Variants in FGF12 observed in about 807,000 individuals in gnomAD.
FGF12 encodes the protein fibroblast growth factor 12.
In FGF12, 14 loss-of-function variants were observed where a neutral mutation model predicts 23.6. The ratio of observed to expected loss-of-function variants is 0.59; its 90% CI spans 0.39 to 0.93. FGF12 has a LOEUF of 0.93. Ranked by LOEUF, FGF12 falls within the 40% of genes least tolerant of loss-of-function variation. The probability of loss-of-function intolerance (pLI) is 0.00; values close to 1 mark genes in which losing one functional copy is unlikely to be tolerated. For synonymous variants in FGF12, 62 were observed against 77.3 expected, an observed-to-expected ratio of 0.80 and a Z score of 1.04; for missense variants, 175 against 217.8, an observed-to-expected ratio of 0.80 and a Z score of 1.24.
chr3:192,221,229 T>C (rs928058269), intron 4 of FGF12, among the ~76,000 whole-genome samples: 2 of 152,198 alleles, frequency 1.3e-5, no homozygotes, highest in African/African-American at 2.4e-5. Flanking sequence ...CACACATTCA[T>C]ACATGATTGG....
chr3:192,603,278 G>T (rs907125889), intron 2 of FGF12, among the ~76,000 whole-genome samples: 1 of 152,074 alleles, frequency 6.6e-6, no homozygotes, highest in African/African-American at 2.4e-5. Context: ...TCTATGCCTA[G>T]AAAACATTAA....
At position 192,514,923 on chromosome 3, in the gene FGF12, C is replaced by A; in HGVS notation, c.14-154385G>T. 1.0e-6 allele frequency: 1 copy of A among 962,828 alleles called. No homozygotes were observed. The highest frequency in any genetic ancestry group is 1.2e-6 in the Non-Finnish European group (1 of 809,424). 59.6% of individuals were successfully genotyped at this position (962,828 alleles called of 1,614,324 possible). On this transcript the variant is annotated intron_variant, in intron 2 of 5. Transcript: ENST00000445105. The surrounding 1 kb of genome is among the most constrained non-coding windows in gnomAD (Gnocchi z 4.9). Reference sequence around the variant, plus strand: ...AGGGAGCCCGGGCGCCGGCAGGGGGCGGGCCGGGACGCGGAAGTGCCGGTC... The same window carrying A: ...AGGGAGCCCGGGCGCCGGCAGGGGGAGGGCCGGGACGCGGAAGTGCCGGTC...
In FGF12 at chr3:192,502,642, G is replaced by A. The variant is rs1195775492; in HGVS notation, c.14-142104C>T. Among the ~76,000 whole-genome samples the A allele has an allele frequency of 4.6e-5, 7 of 152,190 alleles. No homozygotes were observed. In the South Asian group the frequency reaches 6.2e-4, roughly 14 times the overall value. ...CTGTGATTACTTTTCTGTACCAGGA[G>A]TGGCCAGACCATGCCCTGTGGTACA... is the stretch of plus-strand genomic sequence containing the variant. On this transcript the variant is annotated intron_variant, in intron 2 of 5. Coordinates refer to ENST00000445105, the MANE Select transcript of FGF12 (RefSeq NM_004113.6).
At chr3:192,588,912 T>C (rs544659757) in intron 2 of FGF12, among the ~76,000 whole-genome samples, 1 of 152,142 alleles carries the variant, frequency 6.6e-6, no homozygotes, top group East Asian at 1.9e-4. Context: ...TTACCTGTTG[T>C]ATGTATTTGT....
At chr3:192,182,571 G>A (rs1489187323) in intron 4 of FGF12, among the ~76,000 whole-genome samples, 1 of 152,122 alleles carries the variant, frequency 6.6e-6, no homozygotes, top group African/African-American at 2.4e-5. Flanking sequence ...GACTCGTTGA[G>A]TATAGGAGGG....
intron 3 of FGF12, among the ~76,000 whole-genome samples, chr3:192,343,821 G>C (rs920452313): frequency 2.0e-5 from 3 of 152,168 alleles, no homozygotes; most frequent in Non-Finnish European, 2.9e-5. Flanking sequence ...ACATGTTTTT[G>C]TTGTTGTTTT....
chr3:192,639,928 G>A (rs1715727475), intron 2 of FGF12, among the ~76,000 whole-genome samples: 1 of 151,872 alleles, frequency 6.6e-6, no homozygotes, highest in Admixed American at 6.6e-5. Context: ...GCCACAAAAT[G>A]GATAAACCTG....
intron 2 of FGF12, among the ~76,000 whole-genome samples, chr3:192,433,042 G>C (rs1448803991): frequency 6.6e-6 from 1 of 152,114 alleles, no homozygotes; most frequent in East Asian, 1.9e-4. Context: ...GAATCCAGCT[G>C]TCATCAATCT....
chr3:192,321,909 A>T (rs1481075029), intron 4 of FGF12, among the ~76,000 whole-genome samples: 2 of 152,208 alleles, frequency 1.3e-5, no homozygotes, highest in Non-Finnish European at 2.9e-5. Context: ...TTAGGGAACA[A>T]GACAAGGATG....
intron 2 of FGF12, among the ~76,000 whole-genome samples, chr3:192,552,195 A>G (rs534210636): frequency 6.6e-6 from 1 of 152,120 alleles, no homozygotes; most frequent in Non-Finnish European, 1.5e-5. Flanking sequence ...AATGAATTTG[A>G]AAACATGTGA....
At chr3:192,365,996 C>T (rs960991785) in intron 2 of FGF12, among the ~76,000 whole-genome samples, 1 of 128,362 alleles carries the variant, frequency 7.8e-6, no homozygotes, top group South Asian at 2.5e-4. Flanking sequence ...AAAAAAAAAA[C>T]AACAACAAAA....
chr3:192,669,602 T>TAAAAAAAAAAAA (rs59897483), intron 2 of FGF12, among the ~76,000 whole-genome samples: 3 of 59,528 alleles, frequency 5.0e-5, no homozygotes, highest in African/African-American at 1.2e-4. Flanking sequence ...GACTCTGTCT[T>TAAAAAAAAAAAA]AAAAAAAAAA....
chr3:192,170,128 G>T (rs1358946184), intron 5 of FGF12, among the ~76,000 whole-genome samples: 1 of 121,538 alleles, frequency 8.2e-6, no homozygotes, highest in Admixed American at 8.9e-5. Flanking sequence ...ATTTGTAATA[G>T]AATTTTCCTT....
At chr3:192,313,503 C>T (rs896203964) in intron 4 of FGF12, among the ~76,000 whole-genome samples, 1 of 152,184 alleles carries the variant, frequency 6.6e-6, no homozygotes, top group African/African-American at 2.4e-5. Context: ...TCATCCTTGC[C>T]CTTGCTACAG....
At chr3:192,161,190 C>T (rs1453940399) in intron 5 of FGF12, among the ~76,000 whole-genome samples, 1 of 151,990 alleles carries the variant, frequency 6.6e-6, no homozygotes, top group Non-Finnish European at 1.5e-5. Flanking sequence ...TAACCACCAC[C>T]ACCAACAGCA....
rs116388931 is a variant in FGF12 at position 192,479,695 on chromosome 3, C to T, written c.14-119157G>A. ...GTTTTACACTCTCATGACAATGCTA[C>T]CCAGTTCATTTGGTCCATTTTAACT... On this transcript the variant is annotated intron_variant, in intron 2 of 5. Coordinates refer to ENST00000445105, the MANE Select transcript of FGF12 (RefSeq NM_004113.6). Among the ~76,000 whole-genome samples the T allele has an allele frequency of 4.2e-3, 639 of 152,258 alleles. 3 individuals carry two copies. Among genetic ancestry groups the T allele is most frequent in the African/African-American group, 0.015 (610 of 41,544 alleles).
At position 192,408,050 on chromosome 3, in the gene FGF12, G is replaced by C; in HGVS notation, c.14-47512C>G. ...CTGGTCTCCGCCTCACCGGCCTCTT[G>C]CGGCCGCTGCAGAAGCGCACTTTGC... On this transcript the variant is annotated intron_variant, in intron 2 of 5. Coordinates refer to ENST00000445105, the MANE Select transcript of FGF12 (RefSeq NM_004113.6). The surrounding 1 kb of genome is among the most constrained non-coding windows in gnomAD (Gnocchi z 7.3). 1 of 1,612,092 alleles carries C rather than the reference G, an allele frequency of 6.2e-7. No homozygotes were observed. Among genetic ancestry groups the C allele is most frequent in the Admixed American group, 1.7e-5 (1 of 59,966 alleles).
At chr3:192,276,814 G>C (rs1319996016) in intron 4 of FGF12, among the ~76,000 whole-genome samples, 1 of 152,138 alleles carries the variant, frequency 6.6e-6, no homozygotes, top group Non-Finnish European at 1.5e-5. Flanking sequence ...TAGGTAATAA[G>C]ATTCCCTTTC....
intron 2 of FGF12, among the ~76,000 whole-genome samples, chr3:192,707,275 G>A (rs1284170278): frequency 6.6e-6 from 1 of 152,134 alleles, no homozygotes; most frequent in East Asian, 1.9e-4. Context: ...TAATGCCAGG[G>A]GTGTAACTAA....
Sources: gnomAD v4.1 joint callset for allele counts (sites outside exome capture counted in the v4.1 genomes callset) on GRCh38, gnomAD v4.1.1 for gene constraint, Gnocchi (gnomAD v3.1) non-coding constraint, MANE v1.5 for transcripts, NCBI Gene and HGNC (gene_info 2026-07-23, HGNC 2026-07-21) for gene names.